The following MINDY2 variants were observed in gnomAD, a reference collection of about 807,000 sequenced individuals.
MINDY2 encodes ubiquitin carboxyl-terminal hydrolase MINDY-2.
A neutral mutation model predicts 68.2 loss-of-function variants in MINDY2; 52 were observed. The observed-to-expected ratio is 0.76, with a 90% CI of 0.61 to 0.96. MINDY2 has a LOEUF of 0.96. Among genes scored for constraint, MINDY2 ranks in the 40% least tolerant of loss-of-function variants. The probability of loss-of-function intolerance (pLI) is 0.00; values close to 1 mark genes in which losing one functional copy is unlikely to be tolerated. For synonymous variants in MINDY2, 372 were observed against 303.0 expected (o/e 1.23, Z -2.36); for missense variants, 881 against 773.4 (o/e 1.14, Z -1.65).
At chr15:58,820,002 A>C (rs1165416359) in intron 4 of MINDY2, among the ~76,000 whole-genome samples, 1 of 152,222 alleles carries the variant, frequency 6.6e-6, no homozygotes, top group Non-Finnish European at 1.5e-5. Flanking sequence ...ACAGTGGCTC[A>C]CACCTGTAAT....
At chr15:58,779,211 C>G (rs1289173053) in intron 1 of MINDY2, among the ~76,000 whole-genome samples, 1 of 152,084 alleles carries the variant, frequency 6.6e-6, no homozygotes, top group Admixed American at 6.6e-5. Context: ...TCTTAATTTA[C>G]AAAGAGCCCT....
intron 1 of MINDY2, among the ~76,000 whole-genome samples, chr15:58,774,657 G>T (rs1900667497): frequency 6.6e-6 from 1 of 151,870 alleles, no homozygotes; most frequent in African/African-American, 2.4e-5. Context: ...ATTGGGGAGG[G>T]GATTATCAAG....
At chr15:58,778,810 CTTTTTTTTTTTTTT>C (rs1182523003) in intron 1 of MINDY2, among the ~76,000 whole-genome samples, 3 of 114,374 alleles carry the variant, frequency 2.6e-5, no homozygotes, top group African/African-American at 1.0e-4. Context: ...TTCTTTTTTT[CTTTTTTTTTTTTTT>C]TTTTTTGAGA....
intron 1 of MINDY2, among the ~76,000 whole-genome samples, chr15:58,772,811 T>C (rs1295258932): frequency 6.6e-5 from 10 of 152,238 alleles, no homozygotes; most frequent in Admixed American, 6.5e-4. Flanking sequence ...AAAGATTGTT[T>C]TCATTTTATG....
chr15:58,842,728 G>A (rs1054410127), intron 6 of MINDY2, among the ~76,000 whole-genome samples: 2 of 152,238 alleles, frequency 1.3e-5, no homozygotes, highest in Admixed American at 1.3e-4. Flanking sequence ...GCAGTTAGAG[G>A]CTTTGTACTA....
intron 1 of MINDY2, among the ~76,000 whole-genome samples, chr15:58,772,593 G>A (rs2097468372): frequency 6.6e-6 from 1 of 152,100 alleles, no homozygotes; most frequent in South Asian, 2.1e-4. Context: ...GTGAAGAATT[G>A]GAGAAAGTAA....
At chr15:58,802,292 A>ATTG (rs761904921) in intron 2 of MINDY2, 21 bp from the exon 3 acceptor site, 1 of 1,453,366 alleles carries the variant, frequency 6.9e-7, no homozygotes, top group Non-Finnish European at 9.4e-7. Context: ...CAATTTTACA[A>ATTG]TTCTTTTTTT....
chr15:58,846,784 T>C (rs1212157337), intron 6 of MINDY2, among the ~76,000 whole-genome samples: 6 of 152,272 alleles, frequency 3.9e-5, no homozygotes, highest in East Asian at 1.9e-4. Context: ...GTTGTATCTA[T>C]TATTGGTATA....
chr15:58,777,586 C>A, intron 1 of MINDY2, among the ~76,000 whole-genome samples: 1 of 151,370 alleles, frequency 6.6e-6, no homozygotes, highest in Non-Finnish European at 1.5e-5. Flanking sequence ...CCAGCCTGGT[C>A]AACATAATGA....
chr15:58,791,664 G>GTGTGTGTA (rs1555428865), intron 2 of MINDY2, among the ~76,000 whole-genome samples: 71 of 139,968 alleles, frequency 5.1e-4, no homozygotes, highest in Non-Finnish European at 9.6e-4. Flanking sequence ...GTGTGTGTAT[G>GTGTGTGTA]TGTGTGTGTG....
intron 8 of MINDY2, among the ~76,000 whole-genome samples, chr15:58,854,088 CA>C (rs1188421646): frequency 1.3e-5 from 2 of 151,688 alleles, no homozygotes; most frequent in African/African-American, 4.8e-5. Context: ...ACTAAAAATA[CA>C]AAAAGTTAGC....
chr15:58,787,893 T>C lies in MINDY2; in HGVS notation c.841-13T>C, dbSNP rs1487861594. ...AACATTTAATTTTATAGAAATAATA[T>C]TTTGTTTTTCAGGTGAAACTTCCAC... On this transcript the variant is annotated splice_polypyrimidine_tract_variant and intron_variant, in intron 1 of 8. Coordinates refer to ENST00000559228, the MANE Select transcript of MINDY2 (RefSeq NM_001040450.3). 3.2e-6 allele frequency: 5 copies of C among 1,565,320 alleles called. No individual in the cohort carries two copies. The highest frequency in any genetic ancestry group is 4.3e-6 in the Non-Finnish European group (5 of 1,151,330).
chr15:58,804,522 C>CT (rs1902886748), intron 3 of MINDY2, among the ~76,000 whole-genome samples: 1 of 151,762 alleles, frequency 6.6e-6, no homozygotes. Context: ...TTCGTGTTTG[C>CT]AAGCACCAGG....
At chr15:58,809,923 G>A (rs776254659) in intron 3 of MINDY2, among the ~76,000 whole-genome samples, 3 of 152,106 alleles carry the variant, frequency 2.0e-5, no homozygotes, top group Non-Finnish European at 4.4e-5. Flanking sequence ...GGGACTACAG[G>A]CGCATGCCAC....
intron 3 of MINDY2, among the ~76,000 whole-genome samples, chr15:58,807,328 G>T (rs796935192): frequency 2.1e-4 from 32 of 149,110 alleles, no homozygotes; most frequent in African/African-American, 6.9e-4. Context: ...GTGTTAACGT[G>T]CTTAGAAAAG....
Position 58,771,321 on chromosome 15 carries a change from C to G in MINDY2, c.-75C>G. The G allele has an allele frequency of 1.3e-6, 2 of 1,536,284 alleles. No individual in the cohort carries two copies. Among genetic ancestry groups the G allele is most frequent in the Non-Finnish European group, 1.7e-6 (2 of 1,144,504 alleles). ...CAGGGCGCTGTTGCTGCCAATACAG[C>G]TGTCATGGCGTCCAAGGCGCTGGCT... On this transcript the variant is annotated 5_prime_UTR_variant, in exon 1 of 9. Coordinates refer to ENST00000559228, the MANE Select transcript of MINDY2 (RefSeq NM_001040450.3).
chr15:58,781,672 A>G (rs568212229), intron 1 of MINDY2, among the ~76,000 whole-genome samples: 145 of 152,232 alleles, frequency 9.5e-4, no homozygotes, highest in African/African-American at 3.2e-3. Flanking sequence ...TGGGAGGCCA[A>G]GGCGGGTGGA....
chr15:58,809,060 A>G (rs568957834), intron 3 of MINDY2, among the ~76,000 whole-genome samples: 1 of 152,286 alleles, frequency 6.6e-6, no homozygotes, highest in South Asian at 2.1e-4. Context: ...AATATCAAAA[A>G]CATTAGCTGG....
intron 8 of MINDY2, among the ~76,000 whole-genome samples, chr15:58,852,922 G>GTTTTTGTTTTTTTT (rs2032893601): frequency 4.1e-5 from 2 of 48,930 alleles, no homozygotes; most frequent in Non-Finnish European, 8.0e-5. Flanking sequence ...TGCTGTTCCT[G>GTTTTTGTTTTTTTT]TTTTTTTTTT....
Sources: allele counts gnomAD v4.1 joint callset (sites outside exome capture counted in the v4.1 genomes callset), GRCh38; gene constraint gnomAD v4.1.1; transcripts MANE v1.5; gene names NCBI Gene and HGNC (gene_info 2026-07-23, HGNC 2026-07-21).